MYO9A: variants seen among roughly 807,000 people sequenced by gnomAD.
MYO9A encodes the protein unconventional myosin-IXa.
MYO9A carries 103 observed loss-of-function variants against 293.3 expected under a neutral mutation model. The ratio of observed to expected loss-of-function variants is 0.35; its 90% confidence interval spans 0.30 to 0.41. MYO9A has a LOEUF of 0.41. Ranked by LOEUF, MYO9A falls within the 10% of genes least tolerant of loss-of-function variation. MYO9A has a pLI of 1.00. For synonymous variants in MYO9A, 1,001 were observed against 1,035.7 expected (o/e 0.97, Z 0.64); for missense variants, 2,685 against 3,033.0 (o/e 0.89, Z 2.69).
intron 14 of MYO9A, among the ~76,000 whole-genome samples, chr15:71,953,872 T>TG (rs1243188022): frequency 1.4e-5 from 2 of 141,292 alleles, no homozygotes; most frequent in East Asian, 2.0e-4. Context: ...CATCAACTGT[T>TG]TTTTTGTTTT....
chr15:71,855,577 A>G (rs1483748474), intron 34 of MYO9A, among the ~76,000 whole-genome samples: 1 of 152,182 alleles, frequency 6.6e-6, no homozygotes, highest in Non-Finnish European at 1.5e-5. Flanking sequence ...TTGTTTTGCA[A>G]ATCTGTCTTT....
At chr15:72,060,619 G>A (rs71395058) in intron 1 of MYO9A, among the ~76,000 whole-genome samples, 2,103 of 152,178 alleles carry the variant, frequency 0.014, 22 homozygotes, top group East Asian at 0.025. Context: ...GAATTCAGCC[G>A]GCATCTATGG....
chr15:71,893,632 A>T (rs760954685), intron 26 of MYO9A, 47 bp downstream of exon 26: 27 of 1,422,072 alleles, frequency 1.9e-5, no homozygotes, highest in Non-Finnish European at 2.6e-5. Context: ...AAAATAATGT[A>T]CATCTCTTTT....
chr15:72,010,319 A>C, intron 7 of MYO9A, 31 bp downstream of exon 7: 49 of 1,554,014 alleles, frequency 3.2e-5, no homozygotes, highest in Non-Finnish European at 3.6e-5. Context: ...GTTCTCTATT[A>C]GAGATATAAA....
In MYO9A at chr15:72,045,737, C is replaced by A. The variant is rs765414687; in HGVS notation, c.827G>T (p.Gly276Val). 1 of 1,599,344 alleles carries A rather than the reference C, an allele frequency of 6.3e-7. No individual in the cohort carries two copies. Residue 276 changes from glycine to valine, a missense_variant, in exon 2 of 42, where the codon GGA becomes GTA. Physicochemically the swap from Gly to Val is moderately radical, Grantham distance 109. Around this residue, in one of 10 missense-constraint regions of MYO9A, gnomAD observed 289 missense variants for 456.8 expected, o/e 0.63. Transcript: ENST00000356056. The stretch of plus-strand genomic sequence containing the variant: ...CTATATATTTACCTCAAGTACTGGT[C>A]CAGCTCCAAGAATAATCTGTTCTAC... ...SGVEQIILGA[G>V]PVLEAFGNAK...
In MYO9A at chr15:71,999,893, C is replaced by T; in HGVS notation, c.1428G>A (p.Val476=). 2 of 1,612,748 alleles carry T rather than the reference C, an allele frequency of 1.2e-6. No individual in the cohort carries two copies. Among genetic ancestry groups the T allele is most frequent in the South Asian group, 1.1e-5 (1 of 90,830 alleles). The part of the protein sequence containing the change: ...LFEALVTRKT[V]TVGEKLILPY... ...GCAAAATAAGCTTTTCTCCCACTGT[C>T]ACCGTCTTCCTTGTAACTAATGCTT... Residue 476 remains valine, a synonymous_variant, in exon 9 of 42, where the codon GTG becomes GTA. Coordinates refer to ENST00000356056, the MANE Select transcript of MYO9A (RefSeq NM_006901.4).
rs11856568 is a variant in MYO9A at position 71,878,258 on chromosome 15, T to C, written c.5740-27A>G. On this transcript the variant is annotated intron_variant, in intron 30 of 41. Coordinates refer to ENST00000356056, the MANE Select transcript of MYO9A (RefSeq NM_006901.4). ...TATAAGCAATAAGAAAAGAAATGTA[T>C]GGTTTTATAAAGAAACTCCTTAAAT... 4,171 of 1,463,574 alleles carry C rather than the reference T, an allele frequency of 2.8e-3. 102 individuals carry two copies. The African/African-American group carries it at 0.054, about 19-fold the overall frequency. 90.7% of individuals were successfully genotyped at this position (1,463,574 alleles called of 1,614,324 possible).
intron 41 of MYO9A, among the ~76,000 whole-genome samples, chr15:71,827,547 C>CTCAA (rs2054556672): frequency 6.6e-6 from 1 of 152,018 alleles, no homozygotes; most frequent in Non-Finnish European, 1.5e-5. Flanking sequence ...AAACAAAAAA[C>CTCAA]TCAATCACGT....
At chr15:71,852,568 G>T (rs1189472430) in intron 35 of MYO9A, among the ~76,000 whole-genome samples, 2 of 152,000 alleles carry the variant, frequency 1.3e-5, no homozygotes, top group Non-Finnish European at 2.9e-5. Context: ...TCTCCATGTT[G>T]GTCAGGCTGG....
intron 4 of MYO9A, among the ~76,000 whole-genome samples, chr15:72,024,186 A>G (rs1000147947): frequency 6.6e-6 from 1 of 152,244 alleles, no homozygotes; most frequent in Admixed American, 6.5e-5. Flanking sequence ...TGACTGAAAT[A>G]AAAGGATACT....
rs1567242918 is a variant in MYO9A, at chr15:71,898,152, C to A, written c.4351G>T (p.Ala1451Ser). 1.2e-6 allele frequency: 2 copies of A among 1,614,104 alleles called. No individual in the cohort carries two copies. The highest frequency in any genetic ancestry group is 1.6e-4 in the Middle Eastern group (1 of 6,062). ...ATATCCAAAGTAAGAGCTTCCCCCG[C>A]TGTGTCTTCATTTTCCAATAGTTTG... ...RNKLLENEDT[A>S]GEALTLDINR... Residue 1451 changes from alanine (A) to serine (S), a missense_variant, in exon 25 of 42, where the codon GCG (alanine) becomes TCG (serine). By Grantham distance (99) the Ala-to-Ser change is moderately conservative. Coordinates refer to ENST00000356056, the MANE Select transcript of MYO9A (RefSeq NM_006901.4).
intron 1 of MYO9A, among the ~76,000 whole-genome samples, chr15:72,087,030 T>C (rs970863164): frequency 3.3e-5 from 5 of 152,006 alleles, no homozygotes; most frequent in African/African-American, 1.2e-4. Context: ...CCTCCCAAAG[T>C]GTTGGGATTA....
intron 32 of MYO9A, among the ~76,000 whole-genome samples, chr15:71,863,407 T>G (rs1027175320): frequency 6.6e-6 from 1 of 151,964 alleles, no homozygotes; most frequent in South Asian, 2.1e-4. Context: ...GAACAATAAA[T>G]GTATTATACA....
Position 71,886,015 on chromosome 15 carries a change from G to T in MYO9A, c.5255+1989C>A, listed in dbSNP as rs537141282. Among the ~76,000 whole-genome samples, 16 of 151,986 alleles carry T rather than the reference G, an allele frequency of 1.1e-4. 1 individual carries two copies. The South Asian group carries it at 3.3e-3, about 32-fold the overall frequency. ...ACCATTTGGTTTCATGAATACAATT[G>T]TATTTGTTATGCAAAAGGCCTGTTG... is the stretch of plus-strand genomic sequence containing the variant. On this transcript the variant is annotated intron_variant, in intron 27 of 41. Transcript: ENST00000356056.
chr15:71,849,022 T>C (rs2055514428), intron 38 of MYO9A, 54 bp from the exon 39 acceptor site: 2 of 1,487,704 alleles, frequency 1.3e-6, no homozygotes, highest in Non-Finnish European at 1.8e-6. Context: ...AAATAAAGTA[T>C]AGCACTCACA....
intron 14 of MYO9A, among the ~76,000 whole-genome samples, chr15:71,952,401 G>C (rs553600043): frequency 6.6e-6 from 1 of 152,198 alleles, no homozygotes; most frequent in East Asian, 1.9e-4. Context: ...AAGCACCATA[G>C]AGCAGGAAAG....
rs1445791773 is a variant in MYO9A at position 72,045,971 on chromosome 15, T to C, written c.593A>G (p.Lys198Arg). The C allele has an allele frequency of 4.3e-6, 7 of 1,614,040 alleles. No homozygotes were observed. In the African/African-American group the frequency reaches 5.3e-5, roughly 12 times the overall value. Residue 198 changes from lysine to arginine, a missense_variant, in exon 2 of 42, where the codon AAA (lysine) becomes AGA (arginine). This residue lies in a region of MYO9A where 289 missense variants were observed against 456.8 expected (regional missense o/e 0.63). Coordinates refer to ENST00000356056, the MANE Select transcript of MYO9A (RefSeq NM_006901.4). The stretch of plus-strand genomic sequence containing the variant: ...GTGGTTATCATACATTTTGACATAT[T>C]TGGGGTTATAAATAGGAAGAAACTT... ...PFKFLPIYNP[K>R]YVKMYDNHQL...
intron 19 of MYO9A, among the ~76,000 whole-genome samples, chr15:71,910,240 T>C (rs1188015395): frequency 2.0e-5 from 3 of 148,992 alleles, no homozygotes; most frequent in South Asian, 2.1e-4. Context: ...GCAAGCTCAC[T>C]GTACATAAGC....
chr15:71,912,689 T>A (rs933511948), intron 19 of MYO9A, among the ~76,000 whole-genome samples: 1 of 152,262 alleles, frequency 6.6e-6, no homozygotes, highest in African/African-American at 2.4e-5. Context: ...ATATTATAGA[T>A]CTGCTGGTAA....
Sources: gnomAD v4.1 joint callset for allele counts (sites outside exome capture counted in the v4.1 genomes callset) on GRCh38, gnomAD v4.1.1 for gene constraint, gnomAD v4.1.1 regional missense constraint, MANE v1.5 for transcripts, NCBI Gene and HGNC (gene_info 2026-07-23, HGNC 2026-07-21) for gene names.